Variants in ZDHHC19 observed in about 807,000 individuals in gnomAD.
The protein encoded by ZDHHC19 is zDHHC palmitoyltransferase 19, also known as palmitoyltransferase ZDHHC19.
In ZDHHC19, 30 loss-of-function variants were observed where a neutral mutation model predicts 33.9. The ratio of observed to expected loss-of-function variants is 0.88; its 90% CI spans 0.66 to 1.20. ZDHHC19 has a LOEUF of 1.20. Ranked by LOEUF, ZDHHC19 falls within the 50% of genes most tolerant of loss-of-function variation. ZDHHC19 has a pLI of 0.00. For missense variants in ZDHHC19, 364 were observed against 401.1 expected (o/e 0.91, Z 0.79); for synonymous variants, 178 against 167.6 (o/e 1.06, Z -0.48).
rs1553819920 is a variant in ZDHHC19, at chr3:196,206,051, G to GTGGTT, written c.687+1346_687+1347insAACCA. On this transcript the variant is annotated intron_variant, in intron 5 of 7. Coordinates refer to ENST00000296326, the MANE Select transcript of ZDHHC19 (RefSeq NM_001039617.2). ...TAAATTCTCCACCTGACTTTCTGGG[G>GTGGTT]TTGTTTTGTTTTGTTTTTGAGACAG... Among the ~76,000 whole-genome samples the GTGGTT allele has an allele frequency of 4.1e-3, 622 of 151,402 alleles. 5 individuals are homozygous for GTGGTT. The highest frequency in any genetic ancestry group is 0.014 in the African/African-American group (591 of 41,218).
Position 196,208,402 on chromosome 3 carries a change from G to A in ZDHHC19, c.567C>T (p.Thr189=). The part of the protein sequence containing the change: ...LVRTTHLPFS[T]DKAIAIVVAV... ...TGGGCGGATACGCGATGGCCTTGTCGGTGGAGAAGGGCAGGTGGGTTGTGC... is the reference window on the plus strand; with the variant it reads ...TGGGCGGATACGCGATGGCCTTGTCAGTGGAGAAGGGCAGGTGGGTTGTGC... Residue 189 remains threonine, a synonymous_variant, in exon 4 of 8, where the codon ACC becomes ACT. Coordinates refer to ENST00000296326, the MANE Select transcript of ZDHHC19 (RefSeq NM_001039617.2). The A allele has an allele frequency of 2.5e-6, 4 of 1,613,996 alleles. No homozygotes were observed. The highest frequency in any genetic ancestry group is 2.5e-6 in the Non-Finnish European group (3 of 1,179,962).
At chr3:196,200,751 G>A (rs980727054) in intron 5 of ZDHHC19, among the ~76,000 whole-genome samples, 1 of 150,356 alleles carries the variant, frequency 6.7e-6, no homozygotes, top group Non-Finnish European at 1.5e-5. Flanking sequence ...TGGGCTCAAG[G>A]GATCCTCCCA....
At position 196,207,343 on chromosome 3, in the gene ZDHHC19, G is replaced by A. The variant is rs570484206; in HGVS notation, c.687+55C>T. On this transcript the variant is annotated intron_variant, in intron 5 of 7. Coordinates refer to ENST00000296326, the MANE Select transcript of ZDHHC19 (RefSeq NM_001039617.2). ...CAGGGCCAAGGGCAGTGGAGAAAGCGCGGGAAGCGCGGAGGTCCCCGAGGT... is the reference window on the plus strand; with the variant it reads ...CAGGGCCAAGGGCAGTGGAGAAAGCACGGGAAGCGCGGAGGTCCCCGAGGT... 69 of 1,472,242 alleles carry A rather than the reference G, an allele frequency of 4.7e-5. No individual in the cohort carries two copies. The East Asian group carries it at 1.7e-3, about 36-fold the overall frequency. 91.2% of individuals were successfully genotyped at this position (1,472,242 alleles called of 1,614,324 possible).
Position 196,210,715 on chromosome 3 carries a change from C to T in ZDHHC19, c.169G>A (p.Gly57Arg), listed in dbSNP as rs776580091. 1.1e-5 allele frequency: 17 copies of T among 1,613,682 alleles called. No individual in the cohort carries two copies. Among genetic ancestry groups the T allele is most frequent in the East Asian group, 4.5e-5 (2 of 44,898 alleles). ...AFPCRWLAQNGEWAFPVITGS... is the reference protein window; with the variant it reads ...AFPCRWLAQNREWAFPVITGS... Reference sequence around the variant, plus strand: ...GTGATAACAGGAAAGGCCCACTCCCCGTTCTGAGCCAGCCACCTGCAACTG... The same window carrying T: ...GTGATAACAGGAAAGGCCCACTCCCTGTTCTGAGCCAGCCACCTGCAACTG... The change falls in exon 2 of 8, where the codon GGG (glycine) becomes AGG (arginine). Residue 57 changes from glycine to arginine, a missense_variant. Physicochemically the swap from Gly to Arg is moderately radical, Grantham distance 125. Transcript: ENST00000296326.
rs769725310 is a variant in ZDHHC19 at position 196,209,495 on chromosome 3, A to G, written c.289T>C (p.Leu97=). Residue 97 remains leucine, a synonymous_variant, in exon 3 of 8, where the codon TTG becomes CTG. Transcript: ENST00000296326. ...LHQGSAEQGP[L]TVHVVWVNHG... is the part of the protein sequence containing the mutation. Reference sequence around the variant, plus strand: ...TTCACCCACACCACGTGCACCGTCAAGGGGCCCTGCTCAGCGGAGCCTGGC... The same window carrying G: ...TTCACCCACACCACGTGCACCGTCAGGGGGCCCTGCTCAGCGGAGCCTGGC... 4.3e-6 allele frequency: 7 copies of G among 1,613,098 alleles called. No individual in the cohort carries two copies. The South Asian group carries it at 7.7e-5, about 18-fold the overall frequency.
In ZDHHC19 at chr3:196,208,445, C is replaced by A; in HGVS notation, c.524G>T (p.Cys175Phe). ...GGTTGTGCGCACCAGGAAGATGAGA[C>A]AGGTGACCAGCATGGCGCCCGAGTA... ...CLYSGAMLVT[C>F]LIFLVRTTHL... Residue 175 changes from cysteine (C) to phenylalanine (F), a missense_variant, in exon 4 of 8, where the codon TGT becomes TTT. Coordinates refer to ENST00000296326, the MANE Select transcript of ZDHHC19 (RefSeq NM_001039617.2). 6.2e-7 allele frequency: 1 copy of A among 1,614,176 alleles called. No homozygotes were observed. The highest frequency in any genetic ancestry group is 8.5e-7 in the Non-Finnish European group (1 of 1,180,016).
At position 196,211,352 on chromosome 3, in the gene ZDHHC19, CA is replaced by C; in HGVS notation, c.-38del. ...CTTCGCCTCCAGGGGAGGTCAGAGCCACCAGGCTTCCTCCCCCAGCCCAGCT... is the reference window on the plus strand; with the variant it reads ...CTTCGCCTCCAGGGGAGGTCAGAGCCCCAGGCTTCCTCCCCCAGCCCAGCT... On this transcript the variant is annotated 5_prime_UTR_variant, in exon 1 of 8. Coordinates refer to ENST00000296326, the MANE Select transcript of ZDHHC19 (RefSeq NM_001039617.2). 1 of 1,561,714 alleles carries C rather than the reference CA, an allele frequency of 6.4e-7. No individual in the cohort carries two copies. Among genetic ancestry groups the C allele is most frequent in the Non-Finnish European group, 8.7e-7 (1 of 1,154,762 alleles).
rs1722853794 is a variant in ZDHHC19, at chr3:196,207,603, CCCT to C, written c.582-103_582-101del. The stretch of plus-strand genomic sequence containing the variant: ...CCCCGCCCCGCCCCCGGACGCCCGC[CCCT>C]CAGGCCCGACTCCGCCCCGAGCCCC... On this transcript the variant is annotated intron_variant, in intron 4 of 7. Transcript: ENST00000296326. The C allele has an allele frequency of 5.0e-5, 16 of 320,782 alleles. No homozygotes were observed. In the South Asian group the frequency reaches 8.2e-4, roughly 16 times the overall value. 19.9% of individuals were successfully genotyped at this position (320,782 alleles called of 1,614,324 possible). A position where few individuals can be genotyped will look rare whatever the true frequency, so the allele number is the denominator to read the frequency against.
chr3:196,198,371 G>C lies in ZDHHC19; in HGVS notation c.854C>G (p.Ser285Cys), dbSNP rs747340110. 5 of 1,531,832 alleles carry C rather than the reference G, an allele frequency of 3.3e-6. No individual in the cohort carries two copies. Among genetic ancestry groups the C allele is most frequent in the Non-Finnish European group, 4.4e-6 (5 of 1,139,156 alleles). 94.9% of individuals were successfully genotyped at this position (1,531,832 alleles called of 1,614,324 possible). The change falls in exon 7 of 8, where the codon TCC (serine) becomes TGC (cysteine). Residue 285 changes from serine to cysteine, a missense_variant. By Grantham distance (112) the Ser-to-Cys change is moderately radical. Coordinates refer to ENST00000296326, the MANE Select transcript of ZDHHC19 (RefSeq NM_001039617.2). The stretch of plus-strand genomic sequence containing the variant: ...GGCTGGGGGGTTGAGAGCAGAGGGG[G>C]ACATTGGAGGGTGCAGATTCGGCAT... Reference protein sequence around the residue: ...TSMPNLHPPMSPSALNPPAPT... With the variant: ...TSMPNLHPPMCPSALNPPAPT...
At chr3:196,199,101 G>A (rs1722036272) in intron 5 of ZDHHC19, among the ~76,000 whole-genome samples, 1 of 152,212 alleles carries the variant, frequency 6.6e-6, no homozygotes, top group Non-Finnish European at 1.5e-5. Flanking sequence ...GATACTGAAT[G>A]TCACTGTCTG....
At position 196,197,784 on chromosome 3, in the gene ZDHHC19, C is replaced by T. The variant is rs1025554486; in HGVS notation, c.*20-59G>A. 9 of 153,198 alleles carry T rather than the reference C, an allele frequency of 5.9e-5. No homozygotes were observed. Among genetic ancestry groups the T allele is most frequent in the African/African-American group, 2.2e-4 (9 of 41,590 alleles). 9.5% of individuals were successfully genotyped at this position (153,198 alleles called of 1,614,324 possible). On this transcript the variant is annotated intron_variant, in intron 7 of 7. Transcript: ENST00000296326. This position sits in a 1 kb window ranked among gnomAD's most constrained non-coding sequence, Gnocchi z 4.4. Reference sequence around the variant, plus strand: ...CAAGACCCCGCCCCGCAGCTCGTGCCAGGTCTCCTGCTCCTGGAGGCAAAG... The same window carrying T: ...CAAGACCCCGCCCCGCAGCTCGTGCTAGGTCTCCTGCTCCTGGAGGCAAAG...
chr3:196,210,820 C>T, intron 1 of ZDHHC19, 83 bp from the exon 2 acceptor site: 2 of 1,525,422 alleles, frequency 1.3e-6, no homozygotes, highest in Non-Finnish European at 1.8e-6. Context: ...CAGGTCAGGA[C>T]CCACAGACCT....
chr3:196,208,267 G>A, intron 4 of ZDHHC19, 121 bp downstream of exon 4: 1 of 413,974 alleles, frequency 2.4e-6, no homozygotes, highest in Non-Finnish European at 3.5e-6. Flanking sequence ...ACCTCACCTC[G>A]TCCCAGACTG....
At position 196,200,568 on chromosome 3, in the gene ZDHHC19, A is replaced by C. The variant is rs879917713; in HGVS notation, c.688-1694T>G. Among the ~76,000 whole-genome samples the C allele has an allele frequency of 9.0e-4, 134 of 148,702 alleles. 1 individual carries two copies. The highest frequency in any genetic ancestry group is 7.0e-3 in the Middle Eastern group (2 of 284). On this transcript the variant is annotated intron_variant, in intron 5 of 7. Coordinates refer to ENST00000296326, the MANE Select transcript of ZDHHC19 (RefSeq NM_001039617.2). Reference sequence around the variant, plus strand: ...ACGGGGTTTCACCGTGTTAGCCAGGATGGTCTCGATCTCCTGACCTCGTGA... The same window carrying C: ...ACGGGGTTTCACCGTGTTAGCCAGGCTGGTCTCGATCTCCTGACCTCGTGA...
chr3:196,211,151 G>C lies in ZDHHC19; in HGVS notation c.146+19C>G, dbSNP rs1723272664. On this transcript the variant is annotated intron_variant, in intron 1 of 7. Transcript: ENST00000296326. The stretch of plus-strand genomic sequence containing the variant: ...CTGTCTCTTTGTGGGAAACCTAACG[G>C]CTTGCCTGGAAAACTCACGGGAATG... The C allele has an allele frequency of 6.2e-7, 1 of 1,614,084 alleles. No individual in the cohort carries two copies. Among genetic ancestry groups the C allele is most frequent in the Non-Finnish European group, 8.5e-7 (1 of 1,180,010 alleles).
chr3:196,204,340 T>C (rs1722576687), intron 5 of ZDHHC19, among the ~76,000 whole-genome samples: 1 of 152,176 alleles, frequency 6.6e-6, no homozygotes, highest in African/African-American at 2.4e-5. Flanking sequence ...AAAATCTATA[T>C]GCTGAAAAAC....
Position 196,208,437 on chromosome 3 carries a change from A to G in ZDHHC19, c.532T>C (p.Phe178Leu), listed in dbSNP as rs201717584. 3.3e-4 allele frequency: 526 copies of G among 1,614,058 alleles called. 1 individual carries two copies. Among genetic ancestry groups the G allele is most frequent in the Admixed American group, 1.0e-4 (6 of 60,000 alleles). Reference sequence around the variant, plus strand: ...GGCAGGTGGGTTGTGCGCACCAGGAAGATGAGACAGGTGACCAGCATGGCG... The same window carrying G: ...GGCAGGTGGGTTGTGCGCACCAGGAGGATGAGACAGGTGACCAGCATGGCG... Reference protein sequence around the residue: ...SGAMLVTCLIFLVRTTHLPFS... With the variant: ...SGAMLVTCLILLVRTTHLPFS... The change falls in exon 4 of 8, where the codon TTC (phenylalanine) becomes CTC (leucine). Residue 178 changes from phenylalanine (F) to leucine (L), a missense_variant. Transcript: ENST00000296326.
Position 196,207,443 on chromosome 3 carries a change from G to T in ZDHHC19, c.642C>A (p.Ile214=). Residue 214 remains isoleucine (I), a synonymous_variant, in exon 5 of 8, where the codon ATC becomes ATA. Coordinates refer to ENST00000296326, the MANE Select transcript of ZDHHC19 (RefSeq NM_001039617.2). ...LLVPLSLLLL[I]QALSVSSADR... is the part of the protein sequence containing the mutation. ...CGGCCGAGCTCACGGACAGTGCCTG[G>T]ATCAGCAGCAGGAGGGACAGCGGCA... 1 of 1,575,780 alleles carries T rather than the reference G, an allele frequency of 6.3e-7. No individual in the cohort carries two copies. Among genetic ancestry groups the T allele is most frequent in the African/African-American group, 1.4e-5 (1 of 74,056 alleles).
intron 4 of ZDHHC19, among the ~76,000 whole-genome samples, chr3:196,207,773 C>A (rs1234086090): frequency 3.3e-5 from 1 of 30,708 alleles, no homozygotes; most frequent in Non-Finnish European, 6.6e-5. Context: ...CCGCCCCGAG[C>A]CCCGCCCCGC....
Sources: allele counts gnomAD v4.1 joint callset (sites outside exome capture counted in the v4.1 genomes callset), GRCh38; gene constraint gnomAD v4.1.1; non-coding constraint Gnocchi (gnomAD v3.1); transcripts MANE v1.5; gene names NCBI Gene and HGNC (gene_info 2026-07-23, HGNC 2026-07-21).